The following NEK10 variants were observed in gnomAD, a reference collection of about 807,000 sequenced individuals.
NEK10 encodes the protein serine/threonine-protein kinase Nek10.
A neutral mutation model predicts 159.8 loss-of-function variants in NEK10; 122 were observed. The observed-to-expected ratio is 0.76, with a 90% CI of 0.66 to 0.89. NEK10 has a LOEUF of 0.89. Ranked by LOEUF, NEK10 falls within the 40% of genes least tolerant of loss-of-function variation. The probability of loss-of-function intolerance (pLI) is 0.00; values close to 1 mark genes in which losing one functional copy is unlikely to be tolerated. For missense variants in NEK10, 1,342 were observed against 1,323.1 expected (o/e 1.01, Z -0.22); for synonymous variants, 466 against 457.1 (o/e 1.02, Z -0.25).
At chr3:27,263,805 G>A (rs929256018) in intron 22 of NEK10, among the ~76,000 whole-genome samples, 1 of 152,084 alleles carries the variant, frequency 6.6e-6, no homozygotes. Flanking sequence ...CTCATGCTCG[G>A]TGCACTGCAC....
chr3:27,272,776 G>A (rs2041469117), intron 22 of NEK10, among the ~76,000 whole-genome samples: 1 of 152,170 alleles, frequency 6.6e-6, no homozygotes, highest in Non-Finnish European at 1.5e-5. Context: ...AGACTTTAGG[G>A]ACCAGTGGTG....
At chr3:27,160,054 T>A (rs1466149113) in intron 30 of NEK10, among the ~76,000 whole-genome samples, 4 of 152,016 alleles carry the variant, frequency 2.6e-5, no homozygotes, top group African/African-American at 9.7e-5. Flanking sequence ...TTCCTTTCTA[T>A]CCAAGAAAGC....
At chr3:27,273,615 AG>A (rs1399245909) in intron 22 of NEK10, among the ~76,000 whole-genome samples, 2 of 152,218 alleles carry the variant, frequency 1.3e-5, no homozygotes, top group East Asian at 3.8e-4. Context: ...ATCATCTTAA[AG>A]ATGTCTTCCC....
chr3:27,202,985 G>C (rs1950180556), intron 23 of NEK10, among the ~76,000 whole-genome samples: 1 of 152,148 alleles, frequency 6.6e-6, no homozygotes, highest in South Asian at 2.1e-4. Context: ...ACCACCAATG[G>C]AATGTGGAAG....
At chr3:27,157,347 A>T (rs1449874292) in intron 30 of NEK10, among the ~76,000 whole-genome samples, 1 of 152,144 alleles carries the variant, frequency 6.6e-6, no homozygotes, top group African/African-American at 2.4e-5. Flanking sequence ...GAATGGTCAA[A>T]ATATCAACAG....
intron 9 of NEK10, chr3:27,310,280 T>C (rs528651079): frequency 6.6e-6 from 1 of 152,202 alleles, no homozygotes; most frequent in East Asian, 1.9e-4. Flanking sequence ...CTCAAAAAAA[T>C]TTTTTCCAAT....
intron 25 of NEK10, among the ~76,000 whole-genome samples, chr3:27,192,596 GAA>G (rs35385101): frequency 0.25 from 34,212 of 134,730 alleles, 4,230 homozygotes; most frequent in Middle Eastern, 0.37. Flanking sequence ...CTGGCAGGTG[GAA>G]AAAAAAAAAA....
chr3:27,279,006 GATAGTCTTTCAAATGGAAAT>G (rs1346993033), intron 22 of NEK10: 1 of 733,228 alleles, frequency 1.4e-6, no homozygotes, highest in African/African-American at 1.9e-5. Context: ...GCCATCAAAA[GATAGTCTTTCAAATGGAAAT>G]ATATTTAGAC....
chr3:27,236,883 T>A (rs1953975751), intron 23 of NEK10, among the ~76,000 whole-genome samples: 1 of 152,118 alleles, frequency 6.6e-6, no homozygotes, highest in South Asian at 2.1e-4. Context: ...ACCAGTCTGA[T>A]CTCAAATTTA....
At chr3:27,238,875 C>A (rs1221729066) in intron 23 of NEK10, among the ~76,000 whole-genome samples, 1 of 151,738 alleles carries the variant, frequency 6.6e-6, no homozygotes, top group East Asian at 1.9e-4. Flanking sequence ...AGCTCAAGGG[C>A]ACTGGTTACA....
At chr3:27,123,218 T>C (rs1213264627) in intron 32 of NEK10, among the ~76,000 whole-genome samples, 1 of 152,198 alleles carries the variant, frequency 6.6e-6, no homozygotes, top group Admixed American at 6.5e-5. Context: ...AATAGGGTGA[T>C]ATCATAAATC....
At chr3:27,200,238 A>G (rs1949932620) in intron 25 of NEK10, among the ~76,000 whole-genome samples, 1 of 152,218 alleles carries the variant, frequency 6.6e-6, no homozygotes, top group Non-Finnish European at 1.5e-5. Flanking sequence ...GGCTAGAAGG[A>G]TAAATCAAAG....
chr3:27,297,327 T>C (rs1222848345), intron 13 of NEK10, 87 bp from the exon 14 acceptor site: 2 of 882,952 alleles, frequency 2.3e-6, no homozygotes, highest in East Asian at 2.6e-5. Context: ...AGGGTATTTT[T>C]ATTATTTTGC....
At chr3:27,180,637 T>C (rs1198073436) in intron 26 of NEK10, among the ~76,000 whole-genome samples, 1 of 152,208 alleles carries the variant, frequency 6.6e-6, no homozygotes, top group Admixed American at 6.5e-5. Flanking sequence ...ATTGACTGTT[T>C]CATTTTTAAC....
intron 23 of NEK10, among the ~76,000 whole-genome samples, chr3:27,208,005 ATG>A (rs773984609): frequency 4.6e-5 from 7 of 152,090 alleles, no homozygotes; most frequent in Non-Finnish European, 7.4e-5. Context: ...GATGAATAAA[ATG>A]TGTGTGTGTG....
intron 22 of NEK10, among the ~76,000 whole-genome samples, chr3:27,282,210 A>T (rs948317670): frequency 6.6e-6 from 1 of 152,150 alleles, no homozygotes; most frequent in Admixed American, 6.6e-5. Flanking sequence ...TAAAAAGTGG[A>T]GACGTGGCCA....
chr3:27,308,942 C>G lies in NEK10; in HGVS notation c.700G>C (p.Ala234Pro). 1.3e-6 allele frequency: 2 copies of G among 1,588,086 alleles called. No individual in the cohort carries two copies. Among genetic ancestry groups the G allele is most frequent in the Non-Finnish European group, 1.7e-6 (2 of 1,158,156 alleles). ...ACTACTTACCTTTCTGCTAAACTAGCCAGAGCCAGAAGGGAACCCAATAGA... is the reference window on the plus strand; with the variant it reads ...ACTACTTACCTTTCTGCTAAACTAGGCAGAGCCAGAAGGGAACCCAATAGA... ...NVLLGSLLAL[A>P]SLAESQECRE... The change falls in exon 10 of 36, where the codon GCT becomes CCT. Residue 234 changes from alanine to proline, a missense_variant. By Grantham distance (27) the Ala-to-Pro change is conservative (BLOSUM62 -1). Coordinates refer to ENST00000691995, the MANE Select transcript of NEK10 (RefSeq NM_001394966.1).
At chr3:27,230,201 T>C (rs534477673) in intron 23 of NEK10, among the ~76,000 whole-genome samples, 1 of 152,162 alleles carries the variant, frequency 6.6e-6, no homozygotes, top group East Asian at 1.9e-4. Context: ...CCAGAAGGGA[T>C]TGGGATCCTA....
At chr3:27,180,529 AC>A (rs1294354985) in intron 26 of NEK10, among the ~76,000 whole-genome samples, 2 of 152,212 alleles carry the variant, frequency 1.3e-5, no homozygotes, top group Non-Finnish European at 2.9e-5. Context: ...TCTCAAAAAA[AC>A]AATGTCATTG....
Sources: allele counts gnomAD v4.1 joint callset (sites outside exome capture counted in the v4.1 genomes callset), GRCh38; gene constraint gnomAD v4.1.1; transcripts MANE v1.5; gene names NCBI Gene and HGNC (gene_info 2026-07-23, HGNC 2026-07-21).